UBTF: variants seen among roughly 807,000 people sequenced by gnomAD.
UBTF encodes nucleolar transcription factor 1.
Under a neutral mutation model 112.3 loss-of-function variants are expected in UBTF, and 8 were observed. The ratio of observed to expected loss-of-function variants is 0.07; its 90% CI spans 0.04 to 0.13. The LOEUF (loss-of-function observed/expected upper bound fraction) is 0.13. Ranked by LOEUF, UBTF falls within the 10% of genes least tolerant of loss-of-function variation. The probability of loss-of-function intolerance (pLI) is 1.00; values close to 1 mark genes in which losing one functional copy is unlikely to be tolerated. For synonymous variants in UBTF, 417 were observed against 373.1 expected, an observed-to-expected ratio of 1.12 and a Z score of -1.36; for missense variants, 457 against 982.1, an observed-to-expected ratio of 0.47 and a Z score of 7.15.
chr17:44,217,262 G>C (rs1011766615), intron 2 of UBTF, among the ~76,000 whole-genome samples: 1 of 152,144 alleles, frequency 6.6e-6, no homozygotes, highest in South Asian at 2.1e-4. Context: ...CCTTAAAGCA[G>C]ATCAAGGGAG....
chr17:44,216,362 G>A (rs1203067410), intron 3 of UBTF, 167 bp downstream of exon 3: 3 of 788,128 alleles, frequency 3.8e-6, no homozygotes, highest in South Asian at 3.3e-5. Context: ...AGCCAGTGCT[G>A]TCAACCGTGC....
chr17:44,215,888 C>T lies in UBTF; in HGVS notation c.318+18G>A. ...CTTTCCTCCCATACCCCTCATGCTC[C>T]TCCTCCTAGTAACTCACCTTGAGTT... is the stretch of plus-strand genomic sequence containing the variant. On this transcript the variant is annotated intron_variant, in intron 4 of 20. Coordinates refer to ENST00000436088, the MANE Select transcript of UBTF (RefSeq NM_014233.4). 1 of 1,614,050 alleles carries T rather than the reference C, an allele frequency of 6.2e-7. No individual in the cohort carries two copies. Among genetic ancestry groups the T allele is most frequent in the East Asian group, 2.2e-5 (1 of 44,884 alleles).
Position 44,211,917 on chromosome 17 carries a change from G to A in UBTF, c.861C>T (p.Arg287=). 6.2e-7 allele frequency: 1 copy of A among 1,614,000 alleles called. No homozygotes were observed. The highest frequency in any genetic ancestry group is 8.5e-7 in the Non-Finnish European group (1 of 1,180,008). ...GCCCGTCAAACTTGTCCTTGAGCTGGCGTTCGGCCTTGGTGAGGGTGGACT... is the reference window on the plus strand; with the variant it reads ...GCCCGTCAAACTTGTCCTTGAGCTGACGTTCGGCCTTGGTGAGGGTGGACT... The part of the protein sequence containing the change: ...ITKSTLTKAE[R]QLKDKFDGRP... Residue 287 remains arginine, a synonymous_variant, in exon 9 of 21, where the codon CGC becomes CGT. Transcript: ENST00000436088. This position sits in a 1 kb window ranked among gnomAD's most constrained non-coding sequence, Gnocchi z 4.9.
At chr17:44,219,135 G>A (rs1280937635) in intron 1 of UBTF, 1 of 150,636 alleles carries the variant, frequency 6.6e-6, no homozygotes, top group Non-Finnish European at 1.5e-5. Flanking sequence ...AGGGCGGGAG[G>A]ACGGCGGCCG....
chr17:44,211,480 C>A lies in UBTF; in HGVS notation c.1047+126G>T. 1 of 1,559,948 alleles carries A rather than the reference C, an allele frequency of 6.4e-7. No individual in the cohort carries two copies. On this transcript the variant is annotated intron_variant, in intron 10 of 20. Transcript: ENST00000436088. The surrounding 1 kb of genome is among the most constrained non-coding windows in gnomAD (Gnocchi z 4.9). ...GGACGGGCTCAGTTGCTAAGCCCAG[C>A]CCAGCCCCACACTGTATTGGAGGCA...
chr17:44,207,196 G>A lies in UBTF; in HGVS notation c.*46C>T. ...GAAACAAAGGTGGTCAGTTGGGGAG[G>A]GGAGCTCCTGGGCTCTCCCTGGCTG... On this transcript the variant is annotated 3_prime_UTR_variant, in exon 21 of 21. Transcript: ENST00000436088. 3 of 1,609,742 alleles carry A rather than the reference G, an allele frequency of 1.9e-6. No individual in the cohort carries two copies. The highest frequency in any genetic ancestry group is 2.5e-6 in the Non-Finnish European group (3 of 1,177,648).
chr17:44,209,231 G>C, intron 17 of UBTF, 121 bp downstream of exon 17: 1 of 999,712 alleles, frequency 1.0e-6, no homozygotes, highest in South Asian at 1.9e-5. Flanking sequence ...GGATTGCGAG[G>C]GCATGGAATG....
At chr17:44,213,503 G>A in intron 5 of UBTF, 1 of 533,308 alleles carries the variant, frequency 1.9e-6, no homozygotes, top group Non-Finnish European at 3.3e-6. Flanking sequence ...CCCAGACACT[G>A]AATCCTACAT....
chr17:44,218,511 C>T, intron 1 of UBTF: 1 of 436,490 alleles, frequency 2.3e-6, no homozygotes, highest in Non-Finnish European at 4.0e-6. Flanking sequence ...GCGGCGCGCG[C>T]CCTCCCCTGG....
chr17:44,211,908 C>T lies in UBTF; in HGVS notation c.870G>A (p.Lys290=). The part of the protein sequence containing the change: ...STLTKAERQL[K]DKFDGRPTKP... ...TGGTGGGTCGCCCGTCAAACTTGTC[C>T]TTGAGCTGGCGTTCGGCCTTGGTGA... Residue 290 remains lysine (K), a synonymous_variant, in exon 9 of 21, where the codon AAG becomes AAA. Transcript: ENST00000436088. This position sits in a 1 kb window ranked among gnomAD's most constrained non-coding sequence, Gnocchi z 4.9. 1 of 1,613,980 alleles carries T rather than the reference C, an allele frequency of 6.2e-7. No individual in the cohort carries two copies. Among genetic ancestry groups the T allele is most frequent in the Non-Finnish European group, 8.5e-7 (1 of 1,180,010 alleles).
intron 13 of UBTF, 37 bp downstream of exon 13, chr17:44,210,755 C>G (rs1260063422): frequency 6.4e-7 from 1 of 1,550,674 alleles, no homozygotes; most frequent in African/African-American, 1.4e-5. Flanking sequence ...CCCTGGCAGC[C>G]CCCCTGGGGG....
intron 13 of UBTF, 81 bp from the exon 14 acceptor site, chr17:44,210,554 G>C: frequency 1.4e-6 from 2 of 1,458,422 alleles, no homozygotes; most frequent in Non-Finnish European, 1.8e-6. Flanking sequence ...AGGCGCTCCC[G>C]CCGGCGGGCA....
rs745369240 is a variant in UBTF, at chr17:44,207,432, C to T, written c.2169+22G>A. 56 of 1,612,816 alleles carry T rather than the reference C, an allele frequency of 3.5e-5. 1 individual carries two copies. In the South Asian group the frequency reaches 6.2e-4, roughly 18 times the overall value. On this transcript the variant is annotated intron_variant, in intron 20 of 20. Coordinates refer to ENST00000436088, the MANE Select transcript of UBTF (RefSeq NM_014233.4). The stretch of plus-strand genomic sequence containing the variant: ...TCCTGGCAGGACTCCCCTCCCCTCC[C>T]ACTGTGCCCTGTCTGCCCCACCTCA...
chr17:44,210,063 CCCAA>C, intron 15 of UBTF, 57 bp downstream of exon 15: 5 of 1,569,890 alleles, frequency 3.2e-6, no homozygotes, highest in Non-Finnish European at 4.4e-6. Flanking sequence ...CTCAGAGCTG[CCCAA>C]CCAAAGGGGA....
chr17:44,206,942 C>A lies in UBTF; in HGVS notation c.*300G>T, dbSNP rs959448498. On this transcript the variant is annotated 3_prime_UTR_variant, in exon 21 of 21. Coordinates refer to ENST00000436088, the MANE Select transcript of UBTF (RefSeq NM_014233.4). ...CCCACTCTCCGGTCCATTGTCCATGCCGGAACCGCAAGTGCAGAAGTGGGT... is the reference window on the plus strand; with the variant it reads ...CCCACTCTCCGGTCCATTGTCCATGACGGAACCGCAAGTGCAGAAGTGGGT... 2.0e-6 allele frequency: 1 copy of A among 495,234 alleles called. No homozygotes were observed. Among genetic ancestry groups the A allele is most frequent in the East Asian group, 3.2e-5 (1 of 31,204 alleles). 30.7% of individuals were successfully genotyped at this position (495,234 alleles called of 1,614,324 possible). A position where few individuals can be genotyped will look rare whatever the true frequency, so the allele number is the denominator to read the frequency against.
In UBTF at chr17:44,209,750, C is replaced by T; in HGVS notation, c.1627-17G>A. 1.9e-6 allele frequency: 3 copies of T among 1,612,788 alleles called. No homozygotes were observed. Among genetic ancestry groups the T allele is most frequent in the Non-Finnish European group, 2.5e-6 (3 of 1,179,284 alleles). On this transcript the variant is annotated splice_polypyrimidine_tract_variant and intron_variant, in intron 15 of 20. Transcript: ENST00000436088. ...CAGCTCTCTCTGGAGGGAGAAAGGT[C>T]ACGCTCACCCCCCAGTCCCACCCCC...
Position 44,208,036 on chromosome 17 carries a change from C to T in UBTF, c.1906-125G>A, listed in dbSNP as rs1201459447. The T allele has an allele frequency of 2.4e-6, 3 of 1,235,992 alleles. No homozygotes were observed. The African/African-American group carries it at 4.5e-5, about 19-fold the overall frequency. The allele number at this position is 1,235,992 out of a possible 1,614,324, so 76.6% of individuals were successfully genotyped here. On this transcript the variant is annotated intron_variant, in intron 17 of 20. Transcript: ENST00000436088. ...ATCACCCCATCTTACCCCTCCCAGG[C>T]TCCCTAGATTTTGGGTCTCTGCAGA...
Position 44,207,035 on chromosome 17 carries a change from A to G in UBTF, c.*207T>C. ...TGCTGTCCCTGGAGGAGGACCCCCA[A>G]GGGCTGATGTCTCTGAGGCTGCAGA... On this transcript the variant is annotated 3_prime_UTR_variant, in exon 21 of 21. Transcript: ENST00000436088. 1 of 610,894 alleles carries G rather than the reference A, an allele frequency of 1.6e-6. No individual in the cohort carries two copies. Among genetic ancestry groups the G allele is most frequent in the Non-Finnish European group, 2.8e-6 (1 of 353,094 alleles). 37.8% of individuals were successfully genotyped at this position (610,894 alleles called of 1,614,324 possible).
At chr17:44,213,737 G>A (rs1377900815) in intron 5 of UBTF, among the ~76,000 whole-genome samples, 1 of 152,118 alleles carries the variant, frequency 6.6e-6, no homozygotes, top group Non-Finnish European at 1.5e-5. Context: ...CTACATCTAT[G>A]GCCAGGGCTG....
Sources: allele counts gnomAD v4.1 joint callset (sites outside exome capture counted in the v4.1 genomes callset), GRCh38; gene constraint gnomAD v4.1.1; non-coding constraint Gnocchi (gnomAD v3.1); transcripts MANE v1.5; gene names NCBI Gene and HGNC (gene_info 2026-07-23, HGNC 2026-07-21).